The following RANBP2 variants were observed in gnomAD, a reference collection of about 807,000 sequenced individuals.
RANBP2 encodes the protein RAN binding protein 2, also known as E3 SUMO-protein ligase RanBP2.
In RANBP2, 57 loss-of-function variants were observed where a neutral mutation model predicts 303.6. The ratio of observed to expected loss-of-function variants is 0.19; its 90% CI spans 0.15 to 0.23. The LOEUF is 0.23. Ranked by LOEUF, RANBP2 falls within the 10% of genes least tolerant of loss-of-function variation. RANBP2 has a pLI of 1.00. For synonymous variants in RANBP2, 1,167 were observed against 1,301.5 expected, an observed-to-expected ratio of 0.90 and a Z score of 2.23; for missense variants, 3,138 against 3,780.8, an observed-to-expected ratio of 0.83 and a Z score of 4.46.
chr2:108,804,802 T>C, the RANBP2 span: 3 of 1,246,506 alleles, frequency 2.4e-6, no homozygotes, highest in Non-Finnish European at 3.1e-6. Flanking sequence ...GAAGGAGTTC[T>C]TACTTGTAAT....
chr2:109,681,752 A>G, the RANBP2 span, among the ~76,000 whole-genome samples: 1 of 152,212 alleles, frequency 6.6e-6, no homozygotes, highest in Middle Eastern at 3.2e-3. Flanking sequence ...TGGCCCCAAC[A>G]TGTCCCCACA....
chr2:109,477,486 T>C, the RANBP2 span, among the ~76,000 whole-genome samples: 1 of 152,064 alleles, frequency 6.6e-6, no homozygotes, highest in African/African-American at 2.4e-5. Context: ...AGAGGCCCCC[T>C]CCCGCCAGAC....
At chr2:109,475,710 C>T in the RANBP2 span, among the ~76,000 whole-genome samples, 16 of 152,232 alleles carry the variant, frequency 1.1e-4, no homozygotes, top group African/African-American at 2.4e-4. Flanking sequence ...CGCTGCTGCA[C>T]CCCAGCTGTG....
At chr2:109,214,168 G>A in the RANBP2 span, among the ~76,000 whole-genome samples, 5 of 152,202 alleles carry the variant, frequency 3.3e-5, no homozygotes, top group South Asian at 6.2e-4. Context: ...GCAGGCTGTT[G>A]GAGGTGAGGC....
the RANBP2 span, among the ~76,000 whole-genome samples, chr2:109,045,599 T>G: frequency 2.0e-5 from 3 of 152,104 alleles, no homozygotes; most frequent in South Asian, 2.1e-4. Context: ...CAGGACCACG[T>G]GTAAGGGGAC....
the RANBP2 span, among the ~76,000 whole-genome samples, chr2:109,584,377 A>G: frequency 6.8e-6 from 1 of 147,032 alleles, no homozygotes; most frequent in Non-Finnish European, 1.5e-5. Flanking sequence ...CGGGAGGCTG[A>G]GGCAGGATAA....
chr2:109,503,171 T>C, the RANBP2 span: 1 of 152,214 alleles, frequency 6.6e-6, no homozygotes, highest in Non-Finnish European at 1.5e-5. Context: ...GAACACATTT[T>C]TATCACCTCA....
rs764553951 is a variant in RANBP2, at chr2:108,753,438, G to T, written c.1930G>T (p.Val644Phe). 1.2e-6 allele frequency: 2 copies of T among 1,611,696 alleles called. No individual in the cohort carries two copies. Among genetic ancestry groups the T allele is most frequent in the Middle Eastern group, 2.3e-4 (1 of 4,426 alleles). The change falls in exon 14 of 29, where the codon GTT becomes TTT. Residue 644 changes from valine to phenylalanine, a missense_variant. Val to Phe is a conservative substitution (Grantham distance 50). Transcript: ENST00000283195. ...TCTGTGTGTTTAGGCATCAGAAATTGTTGAATATGAAGAAGACGCACACAT... is the reference window on the plus strand; with the variant it reads ...TCTGTGTGTTTAGGCATCAGAAATTTTTGAATATGAAGAAGACGCACACAT... ...HSVDIQASEI[V>F]EYEEDAHITF...
chr2:108,804,797 A>G, the RANBP2 span: 1 of 1,190,582 alleles, frequency 8.4e-7, no homozygotes, highest in Non-Finnish European at 1.1e-6. Flanking sequence ...TGATTGAAGG[A>G]GTTCTTACTT....
At chr2:109,130,392 C>T in the RANBP2 span, among the ~76,000 whole-genome samples, 4 of 152,348 alleles carry the variant, frequency 2.6e-5, no homozygotes, top group Non-Finnish European at 5.9e-5. Context: ...TGTTACCCTG[C>T]CTCTTAAACT....
chr2:109,289,618 C>T, the RANBP2 span, among the ~76,000 whole-genome samples: 1 of 152,170 alleles, frequency 6.6e-6, no homozygotes. Context: ...GGTTTTGAGA[C>T]ATCACGTGGA....
At chr2:108,879,430 T>C in the RANBP2 span, among the ~76,000 whole-genome samples, 1 of 152,218 alleles carries the variant, frequency 6.6e-6, no homozygotes, top group African/African-American at 2.4e-5. Flanking sequence ...TTTTATGCAG[T>C]TAGCATGAAT....
chr2:109,268,793 T>C, the RANBP2 span, among the ~76,000 whole-genome samples: 1 of 151,994 alleles, frequency 6.6e-6, no homozygotes, highest in Non-Finnish European at 1.5e-5. Context: ...TAGGCTAATG[T>C]GCGTGTTCTG....
chr2:109,608,832 GAAGA>G, the RANBP2 span, among the ~76,000 whole-genome samples: 2 of 152,254 alleles, frequency 1.3e-5, no homozygotes, highest in Admixed American at 6.5e-5. Flanking sequence ...GATATTATCA[GAAGA>G]AAGTGTAAGA....
At chr2:108,893,946 C>T in the RANBP2 span, among the ~76,000 whole-genome samples, 1 of 152,110 alleles carries the variant, frequency 6.6e-6, no homozygotes, top group African/African-American at 2.4e-5. Context: ...ATGCCCTATT[C>T]CCCAATACAT....
the RANBP2 span, among the ~76,000 whole-genome samples, chr2:108,941,936 T>C: frequency 6.6e-5 from 10 of 152,334 alleles, no homozygotes; most frequent in Non-Finnish European, 1.0e-4. Context: ...AAAGCTCTGC[T>C]GCACAGAGAG....
chr2:108,735,874 A>T, intron 5 of RANBP2, 112 bp downstream of exon 5: 1 of 1,573,222 alleles, frequency 6.4e-7, no homozygotes, highest in South Asian at 1.2e-5. Context: ...ATTTATGTAG[A>T]ACAGTTATAA....
At chr2:109,499,198 C>T in the RANBP2 span, among the ~76,000 whole-genome samples, 3 of 152,250 alleles carry the variant, frequency 2.0e-5, no homozygotes, top group African/African-American at 4.8e-5. Flanking sequence ...CATCCAGAGC[C>T]GCGGGGGCCG....
the RANBP2 span, among the ~76,000 whole-genome samples, chr2:109,393,076 AG>A: frequency 6.6e-6 from 1 of 152,170 alleles, no homozygotes; most frequent in Non-Finnish European, 1.5e-5. Flanking sequence ...CGTCTCAGTG[AG>A]GGGAAGCTCC....
Sources: allele counts gnomAD v4.1 joint callset (sites outside exome capture counted in the v4.1 genomes callset), GRCh38; gene constraint gnomAD v4.1.1; transcripts MANE v1.5; gene names NCBI Gene and HGNC (gene_info 2026-07-23, HGNC 2026-07-21).